Variants in KLHL1 observed in about 807,000 individuals in gnomAD.
The protein encoded by KLHL1 is kelch-like protein 1.
Under a neutral mutation model 77.7 loss-of-function variants are expected in KLHL1, and 47 were observed. That is an observed-to-expected ratio of 0.60 (90% confidence interval 0.48 to 0.77). The LOEUF (loss-of-function observed/expected upper bound fraction) is 0.77, where lower values mean the gene tolerates loss of function less well. Ranked by LOEUF, KLHL1 falls within the 30% of genes least tolerant of loss-of-function variation. The pLI is 0.00. For synonymous variants in KLHL1, 360 were observed against 325.2 expected (o/e 1.11, Z -1.15); for missense variants, 925 against 910.8 (o/e 1.02, Z -0.20).
chr13:69,731,049 C>T (rs1873522861), intron 8 of KLHL1, among the ~76,000 whole-genome samples: 1 of 151,602 alleles, frequency 6.6e-6, no homozygotes, highest in Non-Finnish European at 1.5e-5. Flanking sequence ...AAATCATTTT[C>T]AAGAGAAAAT....
chr13:69,813,503 CAT>C (rs1555270606), intron 6 of KLHL1, among the ~76,000 whole-genome samples: 71 of 148,902 alleles, frequency 4.8e-4, no homozygotes, highest in African/African-American at 1.1e-3. Context: ...CACACACACA[CAT>C]ATATATATAT....
intron 9 of KLHL1, among the ~76,000 whole-genome samples, chr13:69,714,858 T>C (rs1181492487): frequency 6.6e-6 from 1 of 152,084 alleles, no homozygotes; most frequent in Non-Finnish European, 1.5e-5. Flanking sequence ...CCTCCAAAGG[T>C]GCCAGTATTA....
At chr13:70,068,272 C>T (rs1272690309) in intron 1 of KLHL1, among the ~76,000 whole-genome samples, 10 of 151,774 alleles carry the variant, frequency 6.6e-5, no homozygotes, top group Non-Finnish European at 8.8e-5. Flanking sequence ...ACCCGGGAGG[C>T]GGAGCTTGCA....
intron 6 of KLHL1, among the ~76,000 whole-genome samples, chr13:69,819,157 A>G (rs938938021): frequency 6.6e-6 from 1 of 152,230 alleles, no homozygotes; most frequent in Non-Finnish European, 1.5e-5. Flanking sequence ...AGGTCAAGAT[A>G]TCTCATTTTC....
chr13:69,869,923 G>T (rs2138172108), intron 5 of KLHL1, among the ~76,000 whole-genome samples: 1 of 152,254 alleles, frequency 6.6e-6, no homozygotes, highest in South Asian at 2.1e-4. Flanking sequence ...TACTACAATG[G>T]AAGGAAACTA....
At chr13:69,993,509 G>A (rs941018925) in intron 1 of KLHL1, among the ~76,000 whole-genome samples, 4 of 152,026 alleles carry the variant, frequency 2.6e-5, no homozygotes, top group Non-Finnish European at 4.4e-5. Flanking sequence ...ATGAAAAAGA[G>A]GTCGGTGTAT....
intron 2 of KLHL1, among the ~76,000 whole-genome samples, chr13:69,962,520 A>G (rs1265489550): frequency 6.6e-6 from 1 of 151,968 alleles, no homozygotes; most frequent in Non-Finnish European, 1.5e-5. Context: ...TTTCTATATT[A>G]AGAGGAATGC....
intron 1 of KLHL1, among the ~76,000 whole-genome samples, chr13:69,988,255 G>A (rs1162779967): frequency 6.6e-6 from 1 of 151,962 alleles, no homozygotes; most frequent in East Asian, 1.9e-4. Context: ...TAAGAATAAT[G>A]GCCTACAGTT....
At chr13:69,959,965 G>A (rs1442208224) in intron 3 of KLHL1, among the ~76,000 whole-genome samples, 2 of 151,792 alleles carry the variant, frequency 1.3e-5, no homozygotes, top group Admixed American at 6.6e-5. Flanking sequence ...CAATATCCTT[G>A]AATAAAGTCT....
rs766284729 is a variant in KLHL1 at position 69,961,305 on chromosome 13, T to G, written c.817+3A>C. Reference sequence around the variant, plus strand: ...GAATGATGTTATAATTATTTTGCCATACCTGTATATGCAAATTGGACAAGG... The same window carrying G: ...GAATGATGTTATAATTATTTTGCCAGACCTGTATATGCAAATTGGACAAGG... On this transcript the variant is annotated splice_donor_region_variant and intron_variant, in intron 3 of 10. Coordinates refer to ENST00000377844, the MANE Select transcript of KLHL1 (RefSeq NM_020866.3). 2.3e-5 allele frequency: 37 copies of G among 1,609,306 alleles called. No individual in the cohort carries two copies. The highest frequency in any genetic ancestry group is 3.1e-5 in the Non-Finnish European group (37 of 1,177,000).
chr13:69,714,584 A>G (rs989300789), intron 9 of KLHL1, among the ~76,000 whole-genome samples: 1 of 151,278 alleles, frequency 6.6e-6, no homozygotes. Context: ...ATTTTATTTT[A>G]TTTTATTTAT....
intron 4 of KLHL1, among the ~76,000 whole-genome samples, chr13:69,884,535 A>G (rs2138198571): frequency 6.6e-6 from 1 of 152,210 alleles, no homozygotes; most frequent in South Asian, 2.1e-4. Flanking sequence ...CCTCCATTAA[A>G]CCACACACAG....
intron 2 of KLHL1, among the ~76,000 whole-genome samples, chr13:69,971,871 GTTTGT>G (rs763735692): frequency 6.6e-6 from 1 of 152,126 alleles, no homozygotes; most frequent in East Asian, 1.9e-4. Context: ...TTTGATAATT[GTTTGT>G]TTTAATTAGT....
At chr13:69,943,187 G>T (rs535599449) in intron 3 of KLHL1, among the ~76,000 whole-genome samples, 1 of 151,696 alleles carries the variant, frequency 6.6e-6, no homozygotes, top group African/African-American at 2.4e-5. Context: ...TCCCATTTTT[G>T]GTGGCTTTGA....
At chr13:69,916,724 AAAACTT>A (rs1184525880) in intron 4 of KLHL1, among the ~76,000 whole-genome samples, 2 of 152,256 alleles carry the variant, frequency 1.3e-5, no homozygotes, top group Admixed American at 6.5e-5. Context: ...CATGTACCCT[AAAACTT>A]AAAGTATAAT....
chr13:70,060,358 G>A (rs1412085602), intron 1 of KLHL1, among the ~76,000 whole-genome samples: 3 of 152,136 alleles, frequency 2.0e-5, no homozygotes, highest in Non-Finnish European at 4.4e-5. Flanking sequence ...CAGTATGCAG[G>A]TTCTGCAAAA....
chr13:70,068,755 A>T (rs958494232), intron 1 of KLHL1, among the ~76,000 whole-genome samples: 1 of 152,222 alleles, frequency 6.6e-6, no homozygotes, highest in African/African-American at 2.4e-5. Flanking sequence ...TTGTTTGCTA[A>T]TGCTATCAGT....
intron 7 of KLHL1, among the ~76,000 whole-genome samples, chr13:69,794,311 A>C (rs937623594): frequency 6.6e-6 from 1 of 152,160 alleles, no homozygotes; most frequent in Non-Finnish European, 1.5e-5. Flanking sequence ...GATAAGACAC[A>C]AAAACGTATC....
intron 1 of KLHL1, among the ~76,000 whole-genome samples, chr13:69,987,507 A>G (rs775023428): frequency 7.2e-5 from 11 of 151,968 alleles, no homozygotes; most frequent in Non-Finnish European, 1.5e-4. Context: ...CATGTAAATA[A>G]CTTTAATCTA....
Sources: gnomAD v4.1 joint callset for allele counts (sites outside exome capture counted in the v4.1 genomes callset) on GRCh38, gnomAD v4.1.1 for gene constraint, MANE v1.5 for transcripts, NCBI Gene and HGNC (gene_info 2026-07-23, HGNC 2026-07-21) for gene names.